Variants in MAGI2 observed in about 807,000 individuals in gnomAD.
MAGI2 encodes membrane-associated guanylate kinase, WW and PDZ domain-containing protein 2.
In MAGI2, 35 loss-of-function variants were observed where a neutral mutation model predicts 133.3. The observed-to-expected ratio is 0.26, with a 90% CI of 0.20 to 0.35. MAGI2 has a LOEUF of 0.35. Among genes scored for constraint, MAGI2 ranks in the 10% least tolerant of loss-of-function variants. The pLI, the probability that MAGI2 is intolerant of heterozygous loss-of-function variation, is 1.00. For missense variants in MAGI2, 1,636 were observed against 1,863.4 expected, an observed-to-expected ratio of 0.88 and a Z score of 2.25; for synonymous variants, 729 against 710.6, an observed-to-expected ratio of 1.03 and a Z score of -0.41.
intron 6 of MAGI2, among the ~76,000 whole-genome samples, chr7:78,416,236 A>G (rs1422674201): frequency 2.6e-5 from 4 of 152,136 alleles, no homozygotes; most frequent in East Asian, 1.9e-4. Flanking sequence ...CCTACAGACA[A>G]TGGTATGATG....
intron 2 of MAGI2, among the ~76,000 whole-genome samples, chr7:78,712,131 C>T (rs1819255644): frequency 6.6e-6 from 1 of 152,154 alleles, no homozygotes; most frequent in Admixed American, 6.5e-5. Flanking sequence ...TAAAATGTAT[C>T]TTAGATGATG....
chr7:78,417,188 A>G (rs1164785893), intron 6 of MAGI2, among the ~76,000 whole-genome samples: 1 of 152,060 alleles, frequency 6.6e-6, no homozygotes, highest in Non-Finnish European at 1.5e-5. Flanking sequence ...CTATCATCTA[A>G]TTTCTTGAAT....
chr7:78,754,370 C>T (rs1585299601), intron 2 of MAGI2, among the ~76,000 whole-genome samples: 1 of 147,178 alleles, frequency 6.8e-6, no homozygotes, highest in Admixed American at 6.8e-5. Context: ...GACCCTGTCT[C>T]AAATAAATAA....
chr7:78,637,880 G>C (rs993666939), intron 2 of MAGI2, among the ~76,000 whole-genome samples: 3 of 152,088 alleles, frequency 2.0e-5, no homozygotes, highest in African/African-American at 7.2e-5. Context: ...GAGTTTGAGA[G>C]CAGCCTGGGC....
rs1563075175 is a variant in MAGI2, at chr7:78,489,757, C to T, written c.1045+4G>A. 16 of 1,607,000 alleles carry T rather than the reference C, an allele frequency of 1.0e-5. No individual in the cohort carries two copies. The highest frequency in any genetic ancestry group is 1.4e-5 in the Non-Finnish European group (16 of 1,174,498). On this transcript the variant is annotated splice_donor_region_variant and intron_variant, in intron 6 of 21. Coordinates refer to ENST00000354212, the MANE Select transcript of MAGI2 (RefSeq NM_012301.4). ...TGAAACACCATAAAAACTTAATAAC[C>T]TACCATTTTCTTTGCACTCTTCTGG...
At chr7:78,562,872 T>A (rs955102093) in intron 3 of MAGI2, among the ~76,000 whole-genome samples, 1 of 152,146 alleles carries the variant, frequency 6.6e-6, no homozygotes, top group Non-Finnish European at 1.5e-5. Context: ...TGCTACTGAA[T>A]TTTTGCTTTG....
intron 2 of MAGI2, among the ~76,000 whole-genome samples, chr7:78,671,422 G>A (rs1168185775): frequency 1.3e-5 from 2 of 152,060 alleles, no homozygotes; most frequent in African/African-American, 4.8e-5. Context: ...CTGTGGTAGA[G>A]GAAAGCAGAG....
intron 1 of MAGI2, among the ~76,000 whole-genome samples, chr7:79,315,791 G>T (rs1322667914): frequency 6.6e-6 from 1 of 152,154 alleles, no homozygotes; most frequent in Non-Finnish European, 1.5e-5. Flanking sequence ...ATGGAGTCAA[G>T]ACTGGGTGGA....
At chr7:78,604,474 C>T (rs758513375) in intron 3 of MAGI2, among the ~76,000 whole-genome samples, 55 of 152,244 alleles carry the variant, frequency 3.6e-4, no homozygotes, top group African/African-American at 1.2e-3. Flanking sequence ...CATTATCTCC[C>T]GTCCCAGACA....
At chr7:79,257,255 TTAA>T (rs201845274) in intron 1 of MAGI2, among the ~76,000 whole-genome samples, 1,924 of 152,260 alleles carry the variant, frequency 0.013, 20 homozygotes, top group Non-Finnish European at 0.019. Flanking sequence ...TAATTTGTTT[TTAA>T]TAATAAGAAA....
rs750496799 is a variant in MAGI2 at position 78,521,462 on chromosome 7, A to G, written c.722T>C (p.Val241Ala). The change falls in exon 4 of 22, where the codon GTG becomes GCG. Residue 241 changes from valine (V) to alanine (A), a missense_variant. Val to Ala is a moderately conservative substitution (Grantham distance 64). Transcript: ENST00000354212. ...PPEEEEEERP[V>A]VNGNGVVVTP... is the part of the protein sequence containing the mutation. ...TACTACTACTCCATTTCCATTGACCACAGGCCTCTCTTCCTCTTCCTCCTC... is the reference window on the plus strand; with the variant it reads ...TACTACTACTCCATTTCCATTGACCGCAGGCCTCTCTTCCTCTTCCTCCTC... 1 of 1,614,040 alleles carries G rather than the reference A, an allele frequency of 6.2e-7. No homozygotes were observed. Among genetic ancestry groups the G allele is most frequent in the Non-Finnish European group, 8.5e-7 (1 of 1,179,984 alleles).
At chr7:79,222,696 G>A (rs940678685) in intron 1 of MAGI2, among the ~76,000 whole-genome samples, 2 of 151,814 alleles carry the variant, frequency 1.3e-5, no homozygotes, top group African/African-American at 4.9e-5. Context: ...CTAACAGATG[G>A]CAGCCCTTTA....
At chr7:79,093,113 G>T (rs1341669803) in intron 1 of MAGI2, among the ~76,000 whole-genome samples, 1 of 151,500 alleles carries the variant, frequency 6.6e-6, no homozygotes, top group Non-Finnish European at 1.5e-5. Flanking sequence ...CTAAGGCCCT[G>T]TTCCTTCAAT....
chr7:78,633,925 C>A (rs937812162), intron 2 of MAGI2, among the ~76,000 whole-genome samples: 3 of 152,032 alleles, frequency 2.0e-5, no homozygotes, highest in Non-Finnish European at 4.4e-5. Context: ...AGCATAAACA[C>A]CATGCCAACA....
At chr7:78,093,632 G>C (rs952312505) in intron 20 of MAGI2, among the ~76,000 whole-genome samples, 5 of 152,186 alleles carry the variant, frequency 3.3e-5, no homozygotes, top group Non-Finnish European at 7.3e-5. Context: ...ACCACTTGCT[G>C]CTATTTAAGA....
At chr7:78,949,004 T>A (rs1801658186) in intron 2 of MAGI2, among the ~76,000 whole-genome samples, 1 of 152,026 alleles carries the variant, frequency 6.6e-6, no homozygotes, top group African/African-American at 2.4e-5. Context: ...CAAAGAAAGT[T>A]CAGAAAACTT....
chr7:78,471,995 G>A (rs112719114), intron 6 of MAGI2, among the ~76,000 whole-genome samples: 42 of 151,850 alleles, frequency 2.8e-4, no homozygotes, highest in African/African-American at 4.4e-4. Flanking sequence ...CACACAGCCA[G>A]TAAATGGCAA....
intron 1 of MAGI2, among the ~76,000 whole-genome samples, chr7:79,045,462 G>A (rs2116942502): frequency 6.6e-6 from 1 of 152,280 alleles, no homozygotes; most frequent in African/African-American, 2.4e-5. Context: ...TAATCTTTGA[G>A]ATTGACTGTT....
At chr7:79,004,169 C>T (rs556849160) in intron 2 of MAGI2, among the ~76,000 whole-genome samples, 23 of 152,232 alleles carry the variant, frequency 1.5e-4, no homozygotes, top group Middle Eastern at 3.4e-3. Flanking sequence ...ATGTTGATTG[C>T]AGCACTATTT....
Sources: allele counts gnomAD v4.1 joint callset (sites outside exome capture counted in the v4.1 genomes callset), GRCh38; gene constraint gnomAD v4.1.1; transcripts MANE v1.5; gene names NCBI Gene and HGNC (gene_info 2026-07-23, HGNC 2026-07-21).